C15orf40: variants seen among roughly 807,000 people sequenced by gnomAD.
C15orf40 encodes the protein chromosome 15 open reading frame 40.
In C15orf40, 9 loss-of-function variants were observed where a neutral mutation model predicts 13.9. The ratio of observed to expected loss-of-function variants is 0.65; its 90% CI spans 0.39 to 1.13. C15orf40 has a LOEUF of 1.13. C15orf40 is among the 50% of genes most tolerant of loss of function. The pLI, the probability that C15orf40 is intolerant of heterozygous loss-of-function variation, is 0.01. For missense variants in C15orf40, 225 were observed against 188.5 expected (o/e 1.19, Z -1.13); for synonymous variants, 95 against 69.2 (o/e 1.37, Z -1.85).
In C15orf40 at chr15:82,997,371, C is replaced by T. The variant is rs1405580654; in HGVS notation, c.*8226G>A. On this transcript the variant is annotated 3_prime_UTR_variant, in exon 4 of 4. Coordinates refer to ENST00000304177, the MANE Select transcript of C15orf40 (RefSeq NM_144597.3). ...GCGGCCTTCCGCAGTGTTTGTGTCC[C>T]TGATTACTTGAGATTAGGGAGTGGT... The T allele has an allele frequency of 6.9e-6, 1 of 145,940 alleles. No individual in the cohort carries two copies. The highest frequency in any genetic ancestry group is 1.5e-5 in the Non-Finnish European group (1 of 66,994). 9.0% of individuals were successfully genotyped at this position (145,940 alleles called of 1,614,324 possible).
Position 83,004,868 on chromosome 15 carries a change from A to AT in C15orf40, c.*728dup, listed in dbSNP as rs762561718. On this transcript the variant is annotated 3_prime_UTR_variant, in exon 4 of 4. Coordinates refer to ENST00000304177, the MANE Select transcript of C15orf40 (RefSeq NM_144597.3). ...ATTCCAGAACCGTTGTGGAGATATG[A>AT]TTTTTAATTTACAATCTAGAAAAAC... 2.3e-6 allele frequency: 3 copies of AT among 1,303,268 alleles called. No homozygotes were observed. Among genetic ancestry groups the AT allele is most frequent in the Admixed American group, 2.3e-5 (1 of 43,364 alleles). 80.7% of individuals were successfully genotyped at this position (1,303,268 alleles called of 1,614,324 possible). A position where few individuals can be genotyped will look rare whatever the true frequency, so the allele number is the denominator to read the frequency against.
downstream of C15orf40, chr15:82,989,763 GT>G: frequency 7.8e-7 from 1 of 1,279,068 alleles, no homozygotes; most frequent in Non-Finnish European, 1.1e-6. Context: ...TGTGAAAAAT[GT>G]TTTTTAGTCT....
At position 82,996,953 on chromosome 15, in the gene C15orf40, G is replaced by C. The variant is rs997365420; in HGVS notation, c.*8644C>G. The C allele has an allele frequency of 6.7e-6, 1 of 150,242 alleles. No homozygotes were observed. The highest frequency in any genetic ancestry group is 2.4e-5 in the African/African-American group (1 of 41,150). The allele number at this position is 150,242 out of a possible 1,614,324, so 9.3% of individuals were successfully genotyped here. ...GAATCGCTTGAACCTGGGAGGCGGA[G>C]GTTGCAGTGAGCCAAGATTGAACCA... On this transcript the variant is annotated 3_prime_UTR_variant, in exon 4 of 4. Coordinates refer to ENST00000304177, the MANE Select transcript of C15orf40 (RefSeq NM_144597.3).
At chr15:83,006,857 CA>C (rs1450029749) in intron 3 of C15orf40, among the ~76,000 whole-genome samples, 1 of 152,188 alleles carries the variant, frequency 6.6e-6, no homozygotes, top group Non-Finnish European at 1.5e-5. Context: ...GGAATTTGAA[CA>C]GGCAGAAGAA....
chr15:83,010,300 G>A lies in C15orf40; in HGVS notation c.175C>T (p.Pro59Ser). The change falls in exon 2 of 4, where the codon CCT becomes TCT. Residue 59 changes from proline to serine, a missense_variant. Physicochemically the swap from Pro to Ser is moderately conservative, Grantham distance 74. Transcript: ENST00000304177. ...ATGGCTATGGTGACGCATCCTTTAG[G>A]ATCAACTGCCACAGGACCTAAGGGA... is the stretch of plus-strand genomic sequence containing the variant. The part of the protein sequence containing the change: ...LPPLGPVAVD[P>S]KGCVTIAIHA... 1 of 1,614,200 alleles carries A rather than the reference G, an allele frequency of 6.2e-7. No individual in the cohort carries two copies. Among genetic ancestry groups the A allele is most frequent in the Admixed American group, 1.7e-5 (1 of 60,026 alleles).
intron 3 of C15orf40, among the ~76,000 whole-genome samples, chr15:83,006,692 C>CG (rs1226954556): frequency 6.6e-6 from 1 of 151,918 alleles, no homozygotes; most frequent in Non-Finnish European, 1.5e-5. Context: ...GGGCGGGGCG[C>CG]GGGGCGGATG....
At chr15:83,009,878 G>A (rs886720847) in intron 2 of C15orf40, among the ~76,000 whole-genome samples, 18 of 152,194 alleles carry the variant, frequency 1.2e-4, no homozygotes, top group African/African-American at 4.3e-4. Context: ...TTAGGCCAGT[G>A]ATCATTAAAC....
At chr15:82,993,489 A>G (rs895384196), downstream of C15orf40, among the ~76,000 whole-genome samples, 1 of 152,208 alleles carries the variant, frequency 6.6e-6, no homozygotes, top group Non-Finnish European at 1.5e-5. Flanking sequence ...TCAAATGTGG[A>G]AGATGGTTTG....
intron 1 of C15orf40, 160 bp from the exon 2 acceptor site, chr15:83,010,523 A>C (rs926467240): frequency 2.1e-5 from 16 of 746,328 alleles, no homozygotes; most frequent in Non-Finnish European, 3.5e-5. Flanking sequence ...CACAACCTTC[A>C]AGGCTCTACT....
At chr15:83,010,716 G>A in intron 1 of C15orf40, 1 of 189,840 alleles carries the variant, frequency 5.3e-6, no homozygotes, top group African/African-American at 2.3e-5. Context: ...GCTAATAAAT[G>A]TTGGTGAAAG....
rs2031268058 is a variant in C15orf40 at position 82,998,796 on chromosome 15, G to C, written c.*6801C>G. The C allele has an allele frequency of 1.4e-5, 1 of 71,518 alleles. No individual in the cohort carries two copies. Among genetic ancestry groups the C allele is most frequent in the Non-Finnish European group, 2.6e-5 (1 of 38,490 alleles). The allele number at this position is 71,518 out of a possible 1,614,324, so 4.4% of individuals were successfully genotyped here. On this transcript the variant is annotated 3_prime_UTR_variant, in exon 4 of 4. Coordinates refer to ENST00000304177, the MANE Select transcript of C15orf40 (RefSeq NM_144597.3). ...CGGCCGGGCAGAGGCTGCAATCTCG[G>C]CACTTTGGGAGGCCAAGGCAGGCGG...
downstream of C15orf40, chr15:82,990,643 A>G: frequency 6.5e-7 from 1 of 1,528,704 alleles, no homozygotes; most frequent in Non-Finnish European, 8.9e-7. Flanking sequence ...TTAGAGGGAA[A>G]TCAGTAATAA....
chr15:83,002,479 G>C lies in C15orf40; in HGVS notation c.*3118C>G, dbSNP rs944883384. 4 of 152,144 alleles carry C rather than the reference G, an allele frequency of 2.6e-5. No individual in the cohort carries two copies. Among genetic ancestry groups the C allele is most frequent in the African/African-American group, 9.7e-5 (4 of 41,406 alleles). 9.4% of individuals were successfully genotyped at this position (152,144 alleles called of 1,614,324 possible). ...ATGCTGACCCCATTTCCACCTCTAG[G>C]ATGGGCCTTAATTGGCCTGAAACAA... On this transcript the variant is annotated 3_prime_UTR_variant, in exon 4 of 4. Transcript: ENST00000304177.
At chr15:83,010,111 G>A (rs1198849146) in intron 2 of C15orf40, 126 bp downstream of exon 2, 1 of 1,277,234 alleles carries the variant, frequency 7.8e-7, no homozygotes, top group Non-Finnish European at 1.1e-6. Flanking sequence ...TTAAAATGGA[G>A]AAGCCTCTAA....
At chr15:82,991,798 A>T, downstream of C15orf40, 1 of 1,035,526 alleles carries the variant, frequency 9.7e-7, no homozygotes, top group Non-Finnish European at 1.3e-6. Flanking sequence ...CTCCCTAATT[A>T]CATCAGTAGG....
chr15:83,001,417 A>G lies in C15orf40; in HGVS notation c.*4180T>C, dbSNP rs2031412654. 4.3e-6 allele frequency: 2 copies of G among 461,186 alleles called. No homozygotes were observed. The highest frequency in any genetic ancestry group is 5.7e-6 in the Non-Finnish European group (2 of 351,034). 28.6% of individuals were successfully genotyped at this position (461,186 alleles called of 1,614,324 possible). A position where few individuals can be genotyped will look rare whatever the true frequency, so the allele number is the denominator to read the frequency against. On this transcript the variant is annotated 3_prime_UTR_variant, in exon 4 of 4. Transcript: ENST00000304177. ...ATGACAGATGCAGTGCTAGAACATC[A>G]TATGTCGGCATAGTTGGATAAATAT... is the stretch of plus-strand genomic sequence containing the variant.
chr15:83,007,500 C>G (rs1754792133), intron 3 of C15orf40, among the ~76,000 whole-genome samples: 1 of 152,066 alleles, frequency 6.6e-6, no homozygotes, highest in South Asian at 2.1e-4. Flanking sequence ...CAGATTTATG[C>G]AATTAAGTAA....
At chr15:83,010,590 G>A in intron 1 of C15orf40, 1 of 481,204 alleles carries the variant, frequency 2.1e-6, no homozygotes, top group Non-Finnish European at 3.7e-6. Flanking sequence ...CCCCTTGCAA[G>A]AAAACCTAAC....
chr15:82,990,585 G>A (rs928671212), downstream of C15orf40: 32 of 1,067,654 alleles, frequency 3.0e-5, 1 homozygote, highest in Admixed American at 4.6e-4. Context: ...ATGGTACTTT[G>A]TGATTCCTTA....
Sources: gnomAD v4.1 joint callset for allele counts (sites outside exome capture counted in the v4.1 genomes callset) on GRCh38, gnomAD v4.1.1 for gene constraint, MANE v1.5 for transcripts, NCBI Gene and HGNC (gene_info 2026-07-23, HGNC 2026-07-21) for gene names.